Variants in SENP5 observed in about 807,000 individuals in gnomAD.
SENP5 encodes the protein sentrin-specific protease 5.
In SENP5, 21 loss-of-function variants were observed where a neutral mutation model predicts 74.2. The ratio of observed to expected loss-of-function variants is 0.28; its 90% CI spans 0.20 to 0.41. SENP5 has a LOEUF of 0.41. Among genes scored for constraint, SENP5 ranks in the 10% least tolerant of loss-of-function variants. SENP5 has a pLI of 1.00. For missense variants in SENP5, 717 were observed against 889.1 expected (o/e 0.81, Z 2.46); for synonymous variants, 311 against 312.7 (o/e 0.99, Z 0.06).
chr3:196,880,151 G>A (rs1020458384), intron 1 of SENP5, among the ~76,000 whole-genome samples: 2 of 152,136 alleles, frequency 1.3e-5, no homozygotes, highest in African/African-American at 2.4e-5. Context: ...TCTCTATGTT[G>A]GCCAGGCTGG....
At position 196,885,278 on chromosome 3, in the gene SENP5, T is replaced by G. The variant is rs781125133; in HGVS notation, c.97T>G (p.Phe33Val). The change falls in exon 2 of 10, where the codon TTT becomes GTT. Residue 33 changes from phenylalanine to valine, a missense_variant. Physicochemically the swap from Phe to Val is conservative, Grantham distance 50. This residue lies in a region of SENP5 where 567 missense variants were observed against 577.4 expected (regional missense o/e 0.98). Transcript: ENST00000323460. ...GTTTGGAGGCTTTAAGAAGTTTTAT[T>G]TTCACCAACACTTGTGCATTCTGAA... ...TGFGGFKKFY[F>V]HQHLCILKAK... 1 of 1,614,164 alleles carries G rather than the reference T, an allele frequency of 6.2e-7. No individual in the cohort carries two copies. The highest frequency in any genetic ancestry group is 1.7e-5 in the Admixed American group (1 of 60,018).
chr3:196,890,011 C>G (rs1180018619), intron 2 of SENP5, among the ~76,000 whole-genome samples: 2 of 152,220 alleles, frequency 1.3e-5, no homozygotes, highest in African/African-American at 4.8e-5. Flanking sequence ...CACACGTACA[C>G]CTTGTAACAC....
chr3:196,870,246 G>A (rs1340363271), intron 1 of SENP5, among the ~76,000 whole-genome samples: 1 of 152,146 alleles, frequency 6.6e-6, no homozygotes, highest in Non-Finnish European at 1.5e-5. Context: ...TGCTTTACAT[G>A]TATTTTTCTT....
chr3:196,881,896 G>GTTTTTTTTTTTT (rs11385462), intron 1 of SENP5, among the ~76,000 whole-genome samples: 4 of 109,202 alleles, frequency 3.7e-5, no homozygotes, highest in Non-Finnish European at 5.4e-5. Flanking sequence ...GATAGTATTA[G>GTTTTTTTTTTTT]TTTTTTTTTT....
At chr3:196,914,586 A>AAAAATATATATAT in intron 6 of SENP5, 2 of 33,502 alleles carry the variant, frequency 6.0e-5, no homozygotes, top group African/African-American at 3.6e-4. Flanking sequence ...AAAAAAAAAA[A>AAAAATATATATAT]ATATATATAT....
At chr3:196,881,623 C>G (rs1285597863) in intron 1 of SENP5, among the ~76,000 whole-genome samples, 1 of 151,868 alleles carries the variant, frequency 6.6e-6, no homozygotes, top group African/African-American at 2.4e-5. Flanking sequence ...TTTCAGTTAT[C>G]TCTTAATTTA....
chr3:196,911,809 C>CAAA (rs372716868), intron 6 of SENP5, among the ~76,000 whole-genome samples: 1,593 of 147,656 alleles, frequency 0.011, 35 homozygotes, highest in African/African-American at 0.038. Context: ...GACTCCGTCT[C>CAAA]AAAAAAAAAC....
In SENP5 at chr3:196,870,517, G is replaced by A. The variant is rs189618438; in HGVS notation, c.-32+2444G>A. On this transcript the variant is annotated intron_variant, in intron 1 of 9. Transcript: ENST00000323460. ...AAAATGATCATGTTTATAGCATGTT[G>A]ATTTTCTTTTTTTTTCTTTTGAGAC... Among the ~76,000 whole-genome samples the A allele has an allele frequency of 4.9e-3, 752 of 152,016 alleles. 5 individuals carry two copies. Among genetic ancestry groups the A allele is most frequent in the Admixed American group, 8.4e-3 (128 of 15,240 alleles).
At chr3:196,894,329 G>C (rs1451990632) in intron 2 of SENP5, among the ~76,000 whole-genome samples, 2 of 151,622 alleles carry the variant, frequency 1.3e-5, no homozygotes, top group African/African-American at 4.8e-5. Context: ...CTCCATGTTG[G>C]TCAGGCTTGT....
intron 2 of SENP5, among the ~76,000 whole-genome samples, chr3:196,897,131 T>C (rs6800161): frequency 0.19 from 29,502 of 152,200 alleles, 3,787 homozygotes; most frequent in South Asian, 0.37. Context: ...TGCCTTCTTA[T>C]TTGAGGAGCC....
chr3:196,873,562 C>T (rs1370489665), intron 1 of SENP5, among the ~76,000 whole-genome samples: 1 of 150,954 alleles, frequency 6.6e-6, no homozygotes, highest in Middle Eastern at 3.4e-3. Context: ...TCTTGGCAGC[C>T]GGGCGTGGTG....
At chr3:196,870,401 T>C (rs1030602363) in intron 1 of SENP5, among the ~76,000 whole-genome samples, 2 of 152,212 alleles carry the variant, frequency 1.3e-5, no homozygotes, top group East Asian at 1.9e-4. Flanking sequence ...AGCCTTCTTA[T>C]TGCTTTAGCA....
At chr3:196,905,432 C>T (rs941444542) in intron 6 of SENP5, among the ~76,000 whole-genome samples, 1 of 152,174 alleles carries the variant, frequency 6.6e-6, no homozygotes, top group Non-Finnish European at 1.5e-5. Flanking sequence ...GTGCCCCCCA[C>T]CCACTTCAGA....
At chr3:196,919,725 G>A (rs1214836769) in intron 6 of SENP5, among the ~76,000 whole-genome samples, 3 of 151,892 alleles carry the variant, frequency 2.0e-5, no homozygotes, top group South Asian at 2.1e-4. Flanking sequence ...CCCAGGAGGC[G>A]GAGGTTGCAG....
intron 1 of SENP5, among the ~76,000 whole-genome samples, chr3:196,878,691 A>G (rs1411704343): frequency 6.6e-6 from 1 of 152,126 alleles, no homozygotes; most frequent in African/African-American, 2.4e-5. Context: ...TCTCGGGTTC[A>G]AGTGACTCTC....
At chr3:196,907,804 G>A (rs945837953) in intron 6 of SENP5, among the ~76,000 whole-genome samples, 3 of 151,992 alleles carry the variant, frequency 2.0e-5, no homozygotes, top group South Asian at 2.1e-4. Context: ...ATTTGTGTTC[G>A]GCTGCATTCA....
At chr3:196,884,719 T>C (rs1247917053) in intron 1 of SENP5, among the ~76,000 whole-genome samples, 1 of 148,316 alleles carries the variant, frequency 6.7e-6, no homozygotes, top group Non-Finnish European at 1.5e-5. Flanking sequence ...TCACCCAGGC[T>C]GGAGTGCAGT....
rs1269824069 is a variant in SENP5, at chr3:196,885,484, T to C, written c.303T>C (p.Ala101=). The C allele has an allele frequency of 1.9e-6, 3 of 1,614,152 alleles. No homozygotes were observed. The highest frequency in any genetic ancestry group is 2.7e-5 in the African/African-American group (2 of 75,060). The change falls in exon 2 of 10, where the codon GCT becomes GCC. Residue 101 remains alanine (A), a synonymous_variant. Transcript: ENST00000323460. ...CCTCTAAAGTGAAAAGAAAGGACGC[T>C]AAACACTTCATTTCCTCCTCAAAGA... The part of the protein sequence containing the change: ...TLSSKVKRKD[A]KHFISSSKTL...
intron 1 of SENP5, among the ~76,000 whole-genome samples, chr3:196,876,398 G>A (rs1012164029): frequency 2.0e-5 from 3 of 151,758 alleles, no homozygotes; most frequent in Non-Finnish European, 2.9e-5. Context: ...GGTGGCGGGC[G>A]TCTATAGTCC....
Sources: gnomAD v4.1 joint callset for allele counts (sites outside exome capture counted in the v4.1 genomes callset) on GRCh38, gnomAD v4.1.1 for gene constraint, gnomAD v4.1.1 regional missense constraint, MANE v1.5 for transcripts, NCBI Gene and HGNC (gene_info 2026-07-23, HGNC 2026-07-21) for gene names.